Variants in CCDC178 observed in about 807,000 individuals in gnomAD.
CCDC178 encodes the protein coiled-coil domain containing 178.
A neutral mutation model predicts 117.4 loss-of-function variants in CCDC178; 126 were observed. The observed-to-expected ratio is 1.07, with a 90% CI of 0.93 to 1.24. CCDC178 has a LOEUF of 1.24. CCDC178 is among the 50% of genes most tolerant of loss of function. CCDC178 has a pLI of 0.00. For synonymous variants in CCDC178, 283 were observed against 313.4 expected (o/e 0.90, Z 1.02); for missense variants, 1,030 against 986.9 (o/e 1.04, Z -0.59).
rs575257989 is a variant in CCDC178, at chr18:33,257,472, A to C, written c.1409+9444T>G. Among the ~76,000 whole-genome samples the C allele has an allele frequency of 5.9e-5, 9 of 152,250 alleles. No individual in the cohort carries two copies. In the South Asian group the frequency reaches 1.7e-3, roughly 28 times the overall value. On this transcript the variant is annotated intron_variant, in intron 14 of 22. Coordinates refer to ENST00000383096, the MANE Select transcript of CCDC178 (RefSeq NM_001105528.4). ...TTTAATTCCCTTGTTTACCAAGTTC[A>C]ACAAGGCTATTCTTCCACCCATATT...
intron 20 of CCDC178, among the ~76,000 whole-genome samples, chr18:33,198,209 C>T (rs2058954226): frequency 6.6e-6 from 1 of 152,156 alleles, no homozygotes; most frequent in South Asian, 2.1e-4. Context: ...GCTGTTACTT[C>T]TATGGAAAAC....
At chr18:33,211,196 A>T (rs271546) in intron 20 of CCDC178, among the ~76,000 whole-genome samples, 24,411 of 151,802 alleles carry the variant, frequency 0.16, 2,738 homozygotes, top group African/African-American at 0.32. Flanking sequence ...TACGGAAAAT[A>T]TTTTTGCTTC....
chr18:33,217,336 A>C (rs1483925274), intron 18 of CCDC178, among the ~76,000 whole-genome samples: 3 of 151,894 alleles, frequency 2.0e-5, no homozygotes, highest in Non-Finnish European at 4.4e-5. Context: ...CTTGTGTTTT[A>C]TTTCTTTTGA....
chr18:33,123,855 A>T (rs1459412385), intron 20 of CCDC178, among the ~76,000 whole-genome samples: 1 of 152,162 alleles, frequency 6.6e-6, no homozygotes, highest in Non-Finnish European at 1.5e-5. Flanking sequence ...AAAATCAGCA[A>T]ATATATTACA....
At chr18:33,145,504 T>C (rs1417083564) in intron 20 of CCDC178, among the ~76,000 whole-genome samples, 1 of 152,180 alleles carries the variant, frequency 6.6e-6, no homozygotes, top group Non-Finnish European at 1.5e-5. Context: ...TAGTTCATCA[T>C]AAAGCACAAT....
intron 11 of CCDC178, among the ~76,000 whole-genome samples, chr18:33,311,409 G>C (rs1599142607): frequency 1.1e-5 from 1 of 88,694 alleles, no homozygotes; most frequent in African/African-American, 3.7e-5. Flanking sequence ...AAAAAAGACA[G>C]AGAGGCCACA....
At chr18:33,311,369 T>A (rs918545626) in intron 11 of CCDC178, among the ~76,000 whole-genome samples, 43 of 151,720 alleles carry the variant, frequency 2.8e-4, no homozygotes, top group East Asian at 1.4e-3. Flanking sequence ...CAATAAGGTA[T>A]TCAACAACTG....
chr18:33,143,539 G>A (rs1268981955), intron 20 of CCDC178, among the ~76,000 whole-genome samples: 1 of 152,056 alleles, frequency 6.6e-6, no homozygotes, highest in Non-Finnish European at 1.5e-5. Flanking sequence ...CATTCATGGT[G>A]CAGCTTCAAC....
chr18:33,088,127 G>A (rs920583566), intron 21 of CCDC178, among the ~76,000 whole-genome samples: 8 of 151,922 alleles, frequency 5.3e-5, no homozygotes, highest in African/African-American at 1.5e-4. Flanking sequence ...TCCTGGACTC[G>A]AGATCACAAC....
chr18:33,393,362 T>G (rs1406940501), intron 4 of CCDC178, among the ~76,000 whole-genome samples: 6 of 152,142 alleles, frequency 3.9e-5, no homozygotes, highest in Admixed American at 3.9e-4. Flanking sequence ...GTAAAACAAT[T>G]TTTTTATTTT....
At chr18:33,224,669 C>T in intron 17 of CCDC178, 106 bp downstream of exon 17, 1 of 654,582 alleles carries the variant, frequency 1.5e-6, no homozygotes, top group Non-Finnish European at 2.3e-6. Flanking sequence ...CTTAGTTTGC[C>T]CCTATGTGAA....
intron 14 of CCDC178, among the ~76,000 whole-genome samples, chr18:33,249,405 AAC>A (rs2059590324): frequency 1.3e-5 from 2 of 152,062 alleles, no homozygotes; most frequent in South Asian, 4.1e-4. Context: ...TTTTAGGTCT[AAC>A]ATTTAAGTCT....
intron 21 of CCDC178, among the ~76,000 whole-genome samples, chr18:33,032,843 T>A (rs1214098044): frequency 6.6e-6 from 1 of 152,084 alleles, no homozygotes; most frequent in Non-Finnish European, 1.5e-5. Flanking sequence ...TTCTTATGGC[T>A]TATGGAAGGA....
At chr18:33,197,200 A>T (rs2058940839) in intron 20 of CCDC178, among the ~76,000 whole-genome samples, 1 of 151,788 alleles carries the variant, frequency 6.6e-6, no homozygotes. Context: ...GCTAATTTTT[A>T]AAAATTTCCA....
At chr18:33,222,107 T>C (rs758826257) in intron 18 of CCDC178, among the ~76,000 whole-genome samples, 9 of 152,102 alleles carry the variant, frequency 5.9e-5, no homozygotes, top group Admixed American at 4.6e-4. Context: ...GTCAGATTGA[T>C]AATTTGGGGG....
chr18:33,103,274 A>G (rs959318345), intron 20 of CCDC178, among the ~76,000 whole-genome samples: 5 of 151,738 alleles, frequency 3.3e-5, no homozygotes, highest in Non-Finnish European at 7.4e-5. Flanking sequence ...AAACTTATTC[A>G]CTACCATGAG....
chr18:33,186,232 GAA>G (rs1208440032), intron 20 of CCDC178, among the ~76,000 whole-genome samples: 1 of 151,990 alleles, frequency 6.6e-6, no homozygotes, highest in African/African-American at 2.4e-5. Flanking sequence ...TTTCTACTAG[GAA>G]ATTATTCTGA....
intron 21 of CCDC178, among the ~76,000 whole-genome samples, chr18:32,980,570 C>CAAAAAAAAAA (rs57402084): frequency 1.3e-5 from 1 of 76,320 alleles, no homozygotes; most frequent in African/African-American, 6.0e-5. Flanking sequence ...GACTCCGTCT[C>CAAAAAAAAAA]AAAAAAAAAA....
chr18:33,293,660 A>G (rs1027652362), intron 11 of CCDC178, among the ~76,000 whole-genome samples: 1 of 152,110 alleles, frequency 6.6e-6, no homozygotes, highest in African/African-American at 2.4e-5. Context: ...GTGAGACCCT[A>G]TCTCAAAAAA....
Sources: gnomAD v4.1 joint callset for allele counts (sites outside exome capture counted in the v4.1 genomes callset) on GRCh38, gnomAD v4.1.1 for gene constraint, MANE v1.5 for transcripts, NCBI Gene and HGNC (gene_info 2026-07-23, HGNC 2026-07-21) for gene names.